The following DMD variants were observed in gnomAD, a reference collection of about 807,000 sequenced individuals.
DMD encodes the protein mutant dystrophin.
In DMD, 63 loss-of-function variants were observed where a neutral mutation model predicts 330.1. The observed-to-expected ratio is 0.19, with a 90% CI of 0.16 to 0.24. The LOEUF is 0.24. Ranked by LOEUF, DMD falls within the 10% of genes least tolerant of loss-of-function variation. The pLI, the probability that DMD is intolerant of heterozygous loss-of-function variation, is 1.00. For synonymous variants in DMD, 1,223 were observed against 959.8 expected, an observed-to-expected ratio of 1.27 and a Z score of -5.07; for missense variants, 3,344 against 2,684.1, an observed-to-expected ratio of 1.25 and a Z score of -5.43.
At chrX:33,111,550 A>C (rs1178321969) in intron 1 of DMD, among the ~76,000 whole-genome samples, 1 of 111,967 alleles carries the variant, frequency 8.9e-6, no homozygotes, top group East Asian at 2.8e-4. Context: ...GTTCAATTTA[A>C]TCAAATTAGA....
chrX:32,252,733 A>AAT (rs1363154489), intron 43 of DMD, among the ~76,000 whole-genome samples: 1 of 35,867 alleles, frequency 2.8e-5, no homozygotes, highest in Non-Finnish European at 4.2e-5. Flanking sequence ...TAAATATATA[A>AAT]ATATATATAT....
chrX:31,680,330 T>A (rs1654368733), intron 52 of DMD, among the ~76,000 whole-genome samples: 1 of 111,175 alleles, frequency 9.0e-6, no homozygotes. Context: ...GTCTTCTGAG[T>A]GAACCCAAGG....
intron 16 of DMD, among the ~76,000 whole-genome samples, chrX:32,547,359 G>A (rs1464672744): frequency 9.0e-6 from 1 of 110,858 alleles, no homozygotes; most frequent in Admixed American, 9.7e-5. Flanking sequence ...ATGATATACT[G>A]TGAAGCGGCA....
intron 1 of DMD, among the ~76,000 whole-genome samples, chrX:33,088,846 T>G (rs997422284): frequency 8.1e-5 from 9 of 111,622 alleles, no homozygotes; most frequent in Admixed American, 6.7e-4. Context: ...AAGACATTTC[T>G]TGTTCATTAA....
At chrX:32,352,811 G>A (rs1244451242) in intron 37 of DMD, among the ~76,000 whole-genome samples, 1 of 110,419 alleles carries the variant, frequency 9.1e-6, no homozygotes, top group Admixed American at 9.7e-5. Flanking sequence ...TGTTATTTCA[G>A]GAGTTTCTAT....
intron 7 of DMD, among the ~76,000 whole-genome samples, chrX:32,730,145 C>A (rs182751093): frequency 8.0e-4 from 89 of 111,372 alleles, no homozygotes; most frequent in African/African-American, 2.8e-3. Context: ...CCAACCGGGG[C>A]AATGAAGCAA....
intron 49 of DMD, among the ~76,000 whole-genome samples, chrX:31,828,490 T>G (rs750051645): frequency 1.8e-5 from 2 of 109,142 alleles, no homozygotes; most frequent in East Asian, 5.7e-4. Context: ...ACAGTGAAAC[T>G]CCGACTCTAC....
intron 44 of DMD, among the ~76,000 whole-genome samples, chrX:32,024,430 T>A (rs919910065): frequency 1.0e-5 from 1 of 98,134 alleles, no homozygotes; most frequent in East Asian, 3.2e-4. Context: ...GAGGTTACAG[T>A]CAGCTGAGAT....
intron 44 of DMD, among the ~76,000 whole-genome samples, chrX:32,075,772 C>T (rs753341954): frequency 8.5e-4 from 93 of 109,382 alleles, no homozygotes; most frequent in African/African-American, 2.9e-3. Context: ...TTTAGGGATG[C>T]GCGCAGCAGC....
At chrX:31,416,772 C>G (rs1046719234) in intron 60 of DMD, among the ~76,000 whole-genome samples, 1 of 112,001 alleles carries the variant, frequency 8.9e-6, no homozygotes, top group African/African-American at 3.2e-5. Context: ...CAAAAAGAAC[C>G]TAATAGTTGC....
chrX:33,282,485 T>C (rs73623939), intron 1 of DMD, among the ~76,000 whole-genome samples: 8,404 of 111,274 alleles, frequency 0.076, 616 homozygotes, highest in East Asian at 0.38. Flanking sequence ...GTAAAATCCC[T>C]TGTGGCAGTT....
chrX:32,398,263 A>AC (rs149357713), intron 30 of DMD, among the ~76,000 whole-genome samples: 1,783 of 92,169 alleles, frequency 0.019, 30 homozygotes, highest in South Asian at 0.075. Context: ...CTTTTTTTAA[A>AC]CCCCCCCCCC....
intron 1 of DMD, among the ~76,000 whole-genome samples, chrX:33,095,964 A>ATT (rs35906927): frequency 0.033 from 1,714 of 51,561 alleles, 287 homozygotes; most frequent in Non-Finnish European, 0.037. Flanking sequence ...TTCTTCCAGA[A>ATT]TTTTTTTTTT....
chrX:33,096,435 T>G (rs1188511179), intron 1 of DMD, among the ~76,000 whole-genome samples: 1 of 111,868 alleles, frequency 8.9e-6, no homozygotes, highest in East Asian at 2.8e-4. Context: ...TTTTTAAATC[T>G]ATAAGTTAAA....
chrX:31,486,708 A>G (rs2068837632), intron 57 of DMD, among the ~76,000 whole-genome samples: 1 of 111,970 alleles, frequency 8.9e-6, no homozygotes, highest in African/African-American at 3.2e-5. Context: ...GCATAGAACA[A>G]GATGTTAACA....
Position 32,429,393 on chromosome X carries a change from T to TTTTTG in DMD, c.4071+8847_4071+8848insCAAAA, listed in dbSNP as rs2098228024. 5.2e-5 allele frequency among the ~76,000 whole-genome samples: 4 copies of TTTTTG among 76,955 alleles called. No individual in the cohort carries two copies. The South Asian group carries it at 3.1e-3, about 60-fold the overall frequency. 66.8% of individuals were successfully genotyped at this position (76,955 alleles called of 115,157 possible). A position where few individuals can be genotyped will look rare whatever the true frequency, so the allele number is the denominator to read the frequency against. ...CCTGGATACTTTTTTTTGGGTTTTT[T>TTTTTG]TTTTTTTTTTTTTTTTTTGTATTTG... On this transcript the variant is annotated intron_variant, in intron 29 of 78. Transcript: ENST00000357033.
chrX:32,264,815 G>A (rs1440422624), intron 43 of DMD, among the ~76,000 whole-genome samples: 1 of 111,823 alleles, frequency 8.9e-6, no homozygotes, highest in East Asian at 2.8e-4. Context: ...GCATCTGGTG[G>A]AAGGAATTTC....
At chrX:33,007,804 T>G (rs2093425996) in intron 2 of DMD, among the ~76,000 whole-genome samples, 1 of 111,659 alleles carries the variant, frequency 9.0e-6, no homozygotes, top group Non-Finnish European at 1.9e-5. Flanking sequence ...GGATAAGAAC[T>G]TCAAGTACAG....
At chrX:32,523,297 C>G (rs777864786) in intron 17 of DMD, among the ~76,000 whole-genome samples, 21 of 111,616 alleles carry the variant, frequency 1.9e-4, no homozygotes, top group Non-Finnish European at 3.4e-4. Context: ...CCACATTCTT[C>G]CCTGAAGTGA....
Sources: gnomAD v4.1 joint callset for allele counts (sites outside exome capture counted in the v4.1 genomes callset) on GRCh38, gnomAD v4.1.1 for gene constraint, MANE v1.5 for transcripts, NCBI Gene and HGNC (gene_info 2026-07-23, HGNC 2026-07-21) for gene names.